Variants in ADA2 observed in about 807,000 individuals in gnomAD.
The protein encoded by ADA2 is adenosine deaminase CECR1.
ADA2 carries 29 observed loss-of-function variants against 44.2 expected under a neutral mutation model. That is an observed-to-expected ratio of 0.66 (90% CI 0.49 to 0.89). ADA2 has a LOEUF of 0.89. Ranked by LOEUF, ADA2 falls within the 40% of genes least tolerant of loss-of-function variation. The probability of loss-of-function intolerance (pLI) is 0.00; values close to 1 mark genes in which losing one functional copy is unlikely to be tolerated. For synonymous variants in ADA2, 215 were observed against 234.9 expected, an observed-to-expected ratio of 0.92 and a Z score of 0.77; for missense variants, 637 against 644.8, an observed-to-expected ratio of 0.99 and a Z score of 0.13.
intron 4 of ADA2, 117 bp from the exon 5 acceptor site, chr22:17,191,927 C>G: frequency 9.8e-7 from 1 of 1,016,102 alleles, no homozygotes; most frequent in Non-Finnish European, 1.4e-6. Flanking sequence ...CACCCCCTTC[C>G]CAGCCACCCC....
intron 4 of ADA2, chr22:17,193,405 G>A (rs4819975): frequency 0.21 from 79,124 of 371,882 alleles, 9,472 homozygotes; most frequent in Middle Eastern, 0.24. Context: ...GGTGGCTCAC[G>A]CCTGTAATCC....
upstream of ADA2, among the ~76,000 whole-genome samples, chr22:17,219,955 C>CCTCA (rs1278924569): frequency 6.6e-6 from 1 of 152,088 alleles, no homozygotes; most frequent in East Asian, 1.9e-4. Flanking sequence ...GAATTACAGG[C>CCTCA]GTGAGCCACC....
chr22:17,207,023 C>T, intron 3 of ADA2, 48 bp downstream of exon 3: 1 of 1,438,268 alleles, frequency 7.0e-7, no homozygotes, highest in Non-Finnish European at 9.8e-7. Context: ...CTACCCACTG[C>T]CACCCCATGA....
chr22:17,203,718 G>C lies in ADA2; in HGVS notation c.598C>G (p.Gln200Glu). 6.2e-7 allele frequency: 1 copy of C among 1,614,136 alleles called. No individual in the cohort carries two copies. The change falls in exon 4 of 10, where the codon CAA becomes GAA. Residue 200 changes from glutamine (Q) to glutamate (E), a missense_variant. Transcript: ENST00000399837. ...TCAAATTTCGACCAGACAACATTTT[G>C]GTTTGTGTAAATCACCTCCGGGTGC... ...TQHPEVIYTN[Q>E]NVVWSKFETI...
At chr22:17,199,417 C>CCTCCCTCCCCTCCTCTATCCTCTTCCG in intron 4 of ADA2, 1 of 853,936 alleles carries the variant, frequency 1.2e-6, no homozygotes, top group Non-Finnish European at 1.9e-6. Flanking sequence ...CTCAGCGTCT[C>CCTCCCTCCCCTCCTCTATCCTCTTCCG]CTCCCTCCCC....
intron 7 of ADA2, 62 bp downstream of exon 7, chr22:17,188,277 T>C: frequency 8.1e-7 from 1 of 1,229,066 alleles, no homozygotes; most frequent in Non-Finnish European, 1.2e-6. Context: ...GGCATGGGCC[T>C]GTGGCCAGGA....
In ADA2 at chr22:17,203,704, C is replaced by A. The variant is rs2062319375; in HGVS notation, c.612G>T (p.Trp204Cys). 1 of 1,614,154 alleles carries A rather than the reference C, an allele frequency of 6.2e-7. No homozygotes were observed. The highest frequency in any genetic ancestry group is 1.7e-5 in the Admixed American group (1 of 60,012). The change falls in exon 4 of 10, where the codon TGG (tryptophan) becomes TGT (cysteine). Residue 204 changes from tryptophan (W) to cysteine (C), a missense_variant. By Grantham distance (215) the Trp-to-Cys change is radical. Transcript: ENST00000399837. ...EVIYTNQNVV[W>C]SKFETIFFTI... Reference sequence around the variant, plus strand: ...TGAAGAAGATGGTTTCAAATTTCGACCAGACAACATTTTGGTTTGTGTAAA... The same window carrying A: ...TGAAGAAGATGGTTTCAAATTTCGAACAGACAACATTTTGGTTTGTGTAAA...
In ADA2 at chr22:17,203,757, T is replaced by G. The variant is rs752890414; in HGVS notation, c.559A>C (p.Thr187Pro). ...EFDDSLLRNF[T>P]LVTQHPEVIY... The stretch of plus-strand genomic sequence containing the variant: ...ACCTCCGGGTGCTGGGTCACCAGAG[T>G]GAAATTCCTCAGCAAGCTGTCCAAG... Residue 187 changes from threonine (T) to proline (P), a missense_variant, in exon 4 of 10, where the codon ACT becomes CCT. Physicochemically the swap from Thr to Pro is conservative, Grantham distance 38. Transcript: ENST00000399837. The G allele has an allele frequency of 6.2e-7, 1 of 1,613,436 alleles. No individual in the cohort carries two copies.
In ADA2 at chr22:17,181,221, CAG is replaced by C; in HGVS notation, c.*260_*261del. Reference sequence around the variant, plus strand: ...AGTCCTGAGGAAACAGCACAGAGATCAGAGAGAGGAGAAGACTCTGAAATAGG... The same window carrying C: ...AGTCCTGAGGAAACAGCACAGAGATCAGAGAGGAGAAGACTCTGAAATAGG... On this transcript the variant is annotated 3_prime_UTR_variant, in exon 10 of 10. Coordinates refer to ENST00000399837, the MANE Select transcript of ADA2 (RefSeq NM_001282225.2). The C allele has an allele frequency of 7.0e-6, 3 of 429,132 alleles. No homozygotes were observed. In the South Asian group the frequency reaches 7.7e-5, roughly 11 times the overall value. The allele number at this position is 429,132 out of a possible 1,614,324, so 26.6% of individuals were successfully genotyped here.
intron 1 of ADA2, among the ~76,000 whole-genome samples, chr22:17,215,605 CAAAAAAA>C (rs759504282): frequency 1.6e-5 from 2 of 124,388 alleles, no homozygotes; most frequent in Admixed American, 1.7e-4. Flanking sequence ...GACTCCGTCT[CAAAAAAA>C]AAAAAAGAAA....
Position 17,191,786 on chromosome 22 carries a change from G to T in ADA2, c.778C>A (p.His260Asn). Residue 260 changes from histidine to asparagine, a missense_variant, in exon 5 of 10, where the codon CAT becomes AAT. Coordinates refer to ENST00000399837, the MANE Select transcript of ADA2 (RefSeq NM_001282225.2). ...GTCTTCACTGACCACTCTTCGTCAT[G>T]GTGCTCTCCACTGAGCTCATACACC... ...LPVYELSGEH[H>N]DEEWSVKTYQ... The T allele has an allele frequency of 6.2e-7, 1 of 1,613,528 alleles. No homozygotes were observed. The highest frequency in any genetic ancestry group is 8.5e-7 in the Non-Finnish European group (1 of 1,179,832).
At position 17,181,326 on chromosome 22, in the gene ADA2, G is replaced by T; in HGVS notation, c.*157C>A. 3.1e-6 allele frequency: 2 copies of T among 653,204 alleles called. No individual in the cohort carries two copies. The highest frequency in any genetic ancestry group is 1.7e-5 in the South Asian group (1 of 57,722). The allele number at this position is 653,204 out of a possible 1,614,324, so 40.5% of individuals were successfully genotyped here. A position where few individuals can be genotyped will look rare whatever the true frequency, so the allele number is the denominator to read the frequency against. ...CTGTGGCTGAGAGAGAATATTTCCA[G>T]AGGATGAATTTGCTCAGCCAGCCAA... On this transcript the variant is annotated 3_prime_UTR_variant, in exon 10 of 10. Transcript: ENST00000399837.
intron 4 of ADA2, among the ~76,000 whole-genome samples, chr22:17,202,126 T>A (rs56892031): frequency 6.7e-6 from 1 of 150,312 alleles, no homozygotes; most frequent in South Asian, 2.1e-4. Flanking sequence ...CGCACCACCA[T>A]GCCAGCTAAT....
intron 3 of ADA2, 109 bp from the exon 4 acceptor site, chr22:17,203,882 G>T: frequency 1.4e-6 from 1 of 708,776 alleles, no homozygotes; most frequent in South Asian, 1.7e-5. Flanking sequence ...CAGCTCACAG[G>T]ATTCACCCTA....
chr22:17,193,233 C>T (rs984654416), intron 4 of ADA2: 2 of 1,055,986 alleles, frequency 1.9e-6, no homozygotes, highest in Non-Finnish European at 2.9e-6. Flanking sequence ...ACCACGAAGC[C>T]ATCGTGGAAA....
chr22:17,199,634 A>C (rs2062248244), intron 4 of ADA2: 1 of 1,613,818 alleles, frequency 6.2e-7, no homozygotes, highest in African/African-American at 1.3e-5. Flanking sequence ...TCGCCATTTG[A>C]GGTGGGCGTG....
intron 7 of ADA2, among the ~76,000 whole-genome samples, chr22:17,184,207 A>C (rs1601424269): frequency 6.7e-6 from 1 of 149,250 alleles, no homozygotes; most frequent in Admixed American, 6.7e-5. Context: ...CTTGTGATCC[A>C]CCTGCCTCAG....
chr22:17,208,943 C>A (rs2062387029), intron 2 of ADA2, among the ~76,000 whole-genome samples: 1 of 152,040 alleles, frequency 6.6e-6, no homozygotes, highest in African/African-American at 2.4e-5. Flanking sequence ...ATACTCTCCA[C>A]TCAGCCTCCA....
chr22:17,210,187 C>G (rs1166539052), intron 1 of ADA2, among the ~76,000 whole-genome samples: 1 of 135,962 alleles, frequency 7.4e-6, no homozygotes, highest in African/African-American at 2.8e-5. Context: ...ACTGCACCAC[C>G]TGGCATTTTT....
Sources: allele counts gnomAD v4.1 joint callset (sites outside exome capture counted in the v4.1 genomes callset), GRCh38; gene constraint gnomAD v4.1.1; transcripts MANE v1.5; gene names NCBI Gene and HGNC (gene_info 2026-07-23, HGNC 2026-07-21).